The following R3HDM1 variants were observed in gnomAD, a reference collection of about 807,000 sequenced individuals.
R3HDM1 encodes R3H domain containing 1.
A neutral mutation model predicts 141.1 loss-of-function variants in R3HDM1; 46 were observed. The ratio of observed to expected loss-of-function variants is 0.33; its 90% confidence interval spans 0.26 to 0.42. The LOEUF is 0.42. R3HDM1 is among the 10% of genes least tolerant of loss of function. R3HDM1 has a pLI of 1.00. For synonymous variants in R3HDM1, 435 were observed against 472.9 expected (o/e 0.92, Z 1.04); for missense variants, 1,184 against 1,368.3 (o/e 0.87, Z 2.12).
chr2:135,544,178 C>T (rs928376687), intron 1 of R3HDM1, among the ~76,000 whole-genome samples: 5 of 152,124 alleles, frequency 3.3e-5, no homozygotes, highest in Non-Finnish European at 5.9e-5. Flanking sequence ...GTCGACCTCT[C>T]GCTATAGGAT....
At chr2:135,702,523 T>C (rs1207998288) in intron 21 of R3HDM1, among the ~76,000 whole-genome samples, 1 of 151,812 alleles carries the variant, frequency 6.6e-6, no homozygotes, top group Non-Finnish European at 1.5e-5. Flanking sequence ...TAGCCGGGCA[T>C]GGTGGCAGGC....
chr2:135,655,537 T>C (rs1003625203), intron 18 of R3HDM1, among the ~76,000 whole-genome samples: 29 of 151,950 alleles, frequency 1.9e-4, no homozygotes, highest in African/African-American at 5.6e-4. Flanking sequence ...GATGGAGTCT[T>C]GCTCTGTCAC....
intron 1 of R3HDM1, among the ~76,000 whole-genome samples, chr2:135,600,936 C>T (rs900103492): frequency 6.6e-6 from 1 of 152,122 alleles, no homozygotes; most frequent in Non-Finnish European, 1.5e-5. Context: ...TTCGGTTTTG[C>T]CCCTTCCTCA....
At chr2:135,571,022 G>A (rs1270201786) in intron 1 of R3HDM1, among the ~76,000 whole-genome samples, 3 of 152,046 alleles carry the variant, frequency 2.0e-5, no homozygotes, top group Non-Finnish European at 2.9e-5. Flanking sequence ...CTTTTCTTGA[G>A]GCCAAAAATA....
intron 1 of R3HDM1, among the ~76,000 whole-genome samples, chr2:135,570,295 A>G (rs1310767110): frequency 1.3e-5 from 2 of 152,232 alleles, no homozygotes; most frequent in African/African-American, 4.8e-5. Flanking sequence ...ATTAAATGTC[A>G]TGTAGGGTAG....
Position 135,698,784 on chromosome 2 carries a change from G to T in R3HDM1, c.2460-10649G>T, listed in dbSNP as rs564986244. Among the ~76,000 whole-genome samples, 8 of 152,108 alleles carry T rather than the reference G, an allele frequency of 5.3e-5. No homozygotes were observed. In the South Asian group the frequency reaches 1.7e-3, roughly 32 times the overall value. ...GCTGGAGCCCGAGGAAGAGAAGAGTGGGGGGAGCACCACACACTTTTTAAA... is the reference window on the plus strand; with the variant it reads ...GCTGGAGCCCGAGGAAGAGAAGAGTTGGGGGAGCACCACACACTTTTTAAA... On this transcript the variant is annotated intron_variant, in intron 21 of 26. Coordinates refer to ENST00000683871, the MANE Select transcript of R3HDM1 (RefSeq NM_001378107.1).
intron 23 of R3HDM1, among the ~76,000 whole-genome samples, chr2:135,715,242 G>T (rs2076050700): frequency 6.6e-6 from 1 of 152,106 alleles, no homozygotes; most frequent in South Asian, 2.1e-4. Context: ...CCAGCTACAG[G>T]CTGGGACTGA....
chr2:135,620,748 C>A, intron 5 of R3HDM1: 2 of 794,312 alleles, frequency 2.5e-6, no homozygotes, highest in South Asian at 5.8e-5. Context: ...ATGATTTTTG[C>A]CTTTTCTGTG....
rs991223750 is a variant in R3HDM1, at chr2:135,710,082, G to C, written c.2587G>C (p.Gly863Arg). 1 of 1,613,292 alleles carries C rather than the reference G, an allele frequency of 6.2e-7. No individual in the cohort carries two copies. The highest frequency in any genetic ancestry group is 8.5e-7 in the Non-Finnish European group (1 of 1,179,706). ...CTAGPPPPPG[G>R]GMVMMQLSVP... ...AGCTGGACCACCACCGCCACCTGGT[G>C]GGGGGATGGTGATGATGCAGCTCAG... is the stretch of plus-strand genomic sequence containing the variant. Residue 863 changes from glycine (G) to arginine (R), a missense_variant, in exon 23 of 27, where the codon GGG (glycine) becomes CGG (arginine). Coordinates refer to ENST00000683871, the MANE Select transcript of R3HDM1 (RefSeq NM_001378107.1).
intron 20 of R3HDM1, among the ~76,000 whole-genome samples, chr2:135,679,511 C>G (rs1278928235): frequency 1.3e-5 from 2 of 152,184 alleles, no homozygotes; most frequent in Non-Finnish European, 2.9e-5. Context: ...CTTTTTATGA[C>G]CCACTGCGTC....
Position 135,638,963 on chromosome 2 carries a change from T to C in R3HDM1, c.1060T>C (p.Tyr354His), listed in dbSNP as rs2063525052. Residue 354 changes from tyrosine to histidine, a missense_variant, in exon 14 of 27, where the codon TAC becomes CAC. Physicochemically the swap from Tyr to His is moderately conservative, Grantham distance 83. Around this residue, in one of 5 missense-constraint regions of R3HDM1, gnomAD observed 240 missense variants for 312.3 expected, o/e 0.77. Coordinates refer to ENST00000683871, the MANE Select transcript of R3HDM1 (RefSeq NM_001378107.1). ...HQSSTENELKYSEPRPWSSTD... is the reference protein window; with the variant it reads ...HQSSTENELKHSEPRPWSSTD... ...AAGCAGCACTGAGAATGAGTTGAAG[T>C]ACTCGGAACCACGACCCTGGAGCAG... The C allele has an allele frequency of 3.1e-6, 5 of 1,614,012 alleles. 1 individual carries two copies. The highest frequency in any genetic ancestry group is 4.2e-6 in the Non-Finnish European group (5 of 1,180,034).
intron 21 of R3HDM1, among the ~76,000 whole-genome samples, chr2:135,705,852 G>A (rs187384369): frequency 9.7e-4 from 148 of 152,160 alleles, no homozygotes; most frequent in African/African-American, 2.9e-3. Context: ...AAGAAGGACC[G>A]GGCACAGTGG....
chr2:135,704,806 T>C (rs150807723), intron 21 of R3HDM1, among the ~76,000 whole-genome samples: 212 of 152,296 alleles, frequency 1.4e-3, no homozygotes, highest in African/African-American at 4.9e-3. Flanking sequence ...TATATTTCAC[T>C]TATTGGTCAT....
At chr2:135,566,976 A>G (rs886843155) in intron 1 of R3HDM1, among the ~76,000 whole-genome samples, 14 of 151,858 alleles carry the variant, frequency 9.2e-5, no homozygotes, top group Non-Finnish European at 2.1e-4. Flanking sequence ...GTCTCAGAAA[A>G]AAAAAAAAAA....
intron 1 of R3HDM1, among the ~76,000 whole-genome samples, chr2:135,575,805 T>A (rs1287227767): frequency 2.0e-5 from 3 of 152,218 alleles, no homozygotes; most frequent in African/African-American, 7.2e-5. Flanking sequence ...ATTATAAAGA[T>A]GTCAGTTCTC....
rs150180964 is a variant in R3HDM1 at position 135,710,035 on chromosome 2, A to G, written c.2564-24A>G. 427 of 1,607,870 alleles carry G rather than the reference A, an allele frequency of 2.7e-4. 1 individual carries two copies. In the East Asian group the frequency reaches 6.7e-3, roughly 25 times the overall value. ...CTAGTTGCTAAAATATTCTGACTAT[A>G]GCATCCTAAATTCTGATTTTCAGCT... On this transcript the variant is annotated intron_variant, in intron 22 of 26. Transcript: ENST00000683871.
At chr2:135,608,339 A>ATT in intron 3 of R3HDM1, among the ~76,000 whole-genome samples, 1 of 151,764 alleles carries the variant, frequency 6.6e-6, no homozygotes, top group East Asian at 1.9e-4. Context: ...TAATAATAAT[A>ATT]ATAATTTACT....
At chr2:135,546,847 T>C (rs1316829935) in intron 1 of R3HDM1, among the ~76,000 whole-genome samples, 2 of 152,086 alleles carry the variant, frequency 1.3e-5, no homozygotes, top group Non-Finnish European at 2.9e-5. Flanking sequence ...AATTTTTGTA[T>C]TTTTAGTAGA....
intron 3 of R3HDM1, among the ~76,000 whole-genome samples, chr2:135,613,370 C>T (rs1424648508): frequency 6.6e-6 from 1 of 152,140 alleles, no homozygotes; most frequent in Non-Finnish European, 1.5e-5. Flanking sequence ...AACGATATGT[C>T]GAGTCCTTCT....
Sources: gnomAD v4.1 joint callset for allele counts (sites outside exome capture counted in the v4.1 genomes callset) on GRCh38, gnomAD v4.1.1 for gene constraint, gnomAD v4.1.1 regional missense constraint, MANE v1.5 for transcripts, NCBI Gene and HGNC (gene_info 2026-07-23, HGNC 2026-07-21) for gene names.